Variants in METTL15 observed in about 807,000 individuals in gnomAD.
METTL15 encodes the protein methyltransferase 15, mitochondrial 12S rRNA N4-cytidine, also known as 12S rRNA N(4)-cytidine methyltransferase METTL15.
METTL15 carries 34 observed loss-of-function variants against 38.3 expected under a neutral mutation model. The observed-to-expected ratio is 0.89, with a 90% CI of 0.68 to 1.18. METTL15 has a LOEUF of 1.18. Ranked by LOEUF, METTL15 falls within the 50% of genes most tolerant of loss-of-function variation. The pLI, the probability that METTL15 is intolerant of heterozygous loss-of-function variation, is 0.00. For synonymous variants in METTL15, 162 were observed against 170.9 expected (o/e 0.95, Z 0.41); for missense variants, 438 against 498.4 (o/e 0.88, Z 1.15).
At chr11:28,145,488 C>G (rs754466987) in intron 3 of METTL15, 17 of 151,950 alleles carry the variant, frequency 1.1e-4, no homozygotes, top group Admixed American at 8.5e-4. Context: ...TTTGATTTCT[C>G]TCACTGGATT....
intron 6 of METTL15, among the ~76,000 whole-genome samples, chr11:28,436,837 C>T (rs1288163760): frequency 6.6e-6 from 1 of 151,972 alleles, no homozygotes; most frequent in East Asian, 1.9e-4. Context: ...AGTATTGTTC[C>T]TGGGTGTGTC....
chr11:28,438,854 A>G (rs1449044740), intron 6 of METTL15, among the ~76,000 whole-genome samples: 2 of 151,278 alleles, frequency 1.3e-5, no homozygotes, highest in African/African-American at 2.4e-5. Context: ...TTTGTATTTT[A>G]GTAGAGACGG....
At chr11:28,290,422 C>G in intron 5 of METTL15, 25 bp downstream of exon 5, 1 of 1,572,508 alleles carries the variant, frequency 6.4e-7, no homozygotes, top group Non-Finnish European at 8.6e-7. Flanking sequence ...AGCATTTCAT[C>G]TCACAACAAG....
chr11:28,169,171 A>G (rs376731200), intron 3 of METTL15, among the ~76,000 whole-genome samples: 1 of 152,172 alleles, frequency 6.6e-6, no homozygotes, highest in African/African-American at 2.4e-5. Flanking sequence ...AAATAAAGCA[A>G]TCATCATTAC....
intron 5 of METTL15, among the ~76,000 whole-genome samples, chr11:28,419,268 T>TC (rs377571389): frequency 9.9e-4 from 151 of 152,176 alleles, no homozygotes; most frequent in African/African-American, 1.9e-3. Flanking sequence ...GTGTGACCTC[T>TC]CCCCCAGCTC....
intron 6 of METTL15, among the ~76,000 whole-genome samples, chr11:28,300,106 A>G (rs1856861649): frequency 6.6e-6 from 1 of 152,118 alleles, no homozygotes; most frequent in African/African-American, 2.4e-5. Context: ...GTAGACATGA[A>G]TTGTGCTACG....
chr11:28,118,163 T>A (rs1486167013), intron 3 of METTL15, among the ~76,000 whole-genome samples: 1 of 152,110 alleles, frequency 6.6e-6, no homozygotes, highest in African/African-American at 2.4e-5. Context: ...CTGAATGTAT[T>A]TGAAGTGAGG....
rs868809479 is a variant in METTL15, at chr11:28,324,927, G to A, written c.779-5469G>A. Reference sequence around the variant, plus strand: ...CTTATACTAGCTCTCTACACTGTTCGCCTTTATTTCAGCTGTTTGCTCCTG... The same window carrying A: ...CTTATACTAGCTCTCTACACTGTTCACCTTTATTTCAGCTGTTTGCTCCTG... On this transcript the variant is annotated intron_variant, in intron 6 of 6. Transcript: ENST00000407364. Among the ~76,000 whole-genome samples, 54 of 152,192 alleles carry A rather than the reference G, an allele frequency of 3.5e-4. No homozygotes were observed. The Middle Eastern group carries it at 0.01, about 29-fold the overall frequency.
chr11:28,252,583 C>T (rs1245598115), intron 4 of METTL15, among the ~76,000 whole-genome samples: 1 of 152,104 alleles, frequency 6.6e-6, no homozygotes, highest in African/African-American at 2.4e-5. Flanking sequence ...AAAATTTCTT[C>T]ACTTAAGCAC....
intron 3 of METTL15, among the ~76,000 whole-genome samples, chr11:28,138,825 T>C (rs760341688): frequency 5.3e-5 from 8 of 152,200 alleles, no homozygotes; most frequent in Non-Finnish European, 1.2e-4. Context: ...CCCAGTTTGC[T>C]GGTTGGCTTG....
intron 4 of METTL15, among the ~76,000 whole-genome samples, chr11:28,220,587 A>G (rs1853156313): frequency 6.6e-6 from 1 of 152,122 alleles, no homozygotes; most frequent in Non-Finnish European, 1.5e-5. Flanking sequence ...GTTATGTGTG[A>G]ATTTGATCCC....
intron 6 of METTL15, among the ~76,000 whole-genome samples, chr11:28,436,406 A>G (rs1850982340): frequency 1.3e-5 from 2 of 152,164 alleles, no homozygotes; most frequent in South Asian, 4.1e-4. Flanking sequence ...TCACAATTCT[A>G]TGGATTTATA....
chr11:28,392,296 A>G (rs1163817397), intron 5 of METTL15, among the ~76,000 whole-genome samples: 1 of 152,242 alleles, frequency 6.6e-6, no homozygotes, highest in African/African-American at 2.4e-5. Flanking sequence ...AATTATGAGA[A>G]AGAAAAAGCT....
chr11:28,448,508 C>T (rs1851093098), intron 6 of METTL15, among the ~76,000 whole-genome samples: 1 of 152,138 alleles, frequency 6.6e-6, no homozygotes, highest in African/African-American at 2.4e-5. Flanking sequence ...GGGCTGGGAC[C>T]ATCATGCCCC....
At chr11:28,124,671 G>T (rs1225519833) in intron 3 of METTL15, among the ~76,000 whole-genome samples, 1 of 152,016 alleles carries the variant, frequency 6.6e-6, no homozygotes, top group Non-Finnish European at 1.5e-5. Flanking sequence ...AAAAAGGAAA[G>T]CAAAAACTCC....
chr11:28,184,344 G>A (rs1318030619), intron 3 of METTL15, among the ~76,000 whole-genome samples: 1 of 151,780 alleles, frequency 6.6e-6, no homozygotes. Context: ...TCTTTTAATT[G>A]TGATGTTAGA....
At chr11:28,218,625 G>C (rs185911517) in intron 4 of METTL15, among the ~76,000 whole-genome samples, 1 of 152,020 alleles carries the variant, frequency 6.6e-6, no homozygotes, top group Non-Finnish European at 1.5e-5. Flanking sequence ...GAGGGCGTCC[G>C]TGTCTTGTGC....
At chr11:28,388,062 T>A (rs927433426) in intron 5 of METTL15, among the ~76,000 whole-genome samples, 2 of 151,996 alleles carry the variant, frequency 1.3e-5, no homozygotes, top group African/African-American at 4.8e-5. Context: ...ACATAATAAA[T>A]GCCATATATA....
intron 4 of METTL15, among the ~76,000 whole-genome samples, chr11:28,219,357 A>T (rs866151588): frequency 6.6e-6 from 1 of 152,106 alleles, no homozygotes; most frequent in Non-Finnish European, 1.5e-5. Flanking sequence ...AGAGGTGTTT[A>T]TAGTATTCTG....
Sources: gnomAD v4.1 joint callset for allele counts (sites outside exome capture counted in the v4.1 genomes callset) on GRCh38, gnomAD v4.1.1 for gene constraint, MANE v1.5 for transcripts, NCBI Gene and HGNC (gene_info 2026-07-23, HGNC 2026-07-21) for gene names.